NRXN1: variants seen among roughly 807,000 people sequenced by gnomAD.
NRXN1 encodes the protein neurexin-1.
NRXN1 carries 39 observed loss-of-function variants against 150.9 expected under a neutral mutation model. The ratio of observed to expected loss-of-function variants is 0.26; its 90% CI spans 0.20 to 0.34. The LOEUF (loss-of-function observed/expected upper bound fraction) is 0.34. NRXN1 is among the 10% of genes least tolerant of loss of function. NRXN1 has a pLI of 1.00. For synonymous variants in NRXN1, 924 were observed against 757.0 expected (o/e 1.22, Z -3.62); for missense variants, 1,815 against 1,949.9 (o/e 0.93, Z 1.30).
intron 2 of NRXN1, among the ~76,000 whole-genome samples, chr2:50,998,668 A>C (rs1699636172): frequency 1.3e-5 from 2 of 152,192 alleles, no homozygotes; most frequent in South Asian, 4.1e-4. Context: ...TATTAATGTT[A>C]GGATTAGAAT....
intron 17 of NRXN1, among the ~76,000 whole-genome samples, chr2:50,252,879 G>A (rs1242618104): frequency 6.6e-6 from 1 of 152,100 alleles, no homozygotes; most frequent in African/African-American, 2.4e-5. Flanking sequence ...ATTTAGGATT[G>A]TCTTAGCTAT....
chr2:50,593,174 G>A (rs1452505358), intron 8 of NRXN1, among the ~76,000 whole-genome samples: 4 of 152,148 alleles, frequency 2.6e-5, no homozygotes, highest in Admixed American at 2.6e-4. Flanking sequence ...ATAAACTTAA[G>A]CATGATTAGG....
intron 12 of NRXN1, among the ~76,000 whole-genome samples, chr2:50,512,943 T>C (rs1161070818): frequency 2.0e-5 from 3 of 152,132 alleles, no homozygotes; most frequent in African/African-American, 7.2e-5. Context: ...TTCTCATATA[T>C]TTCAGGGGAG....
At chr2:50,513,194 T>A (rs575329403) in intron 12 of NRXN1, among the ~76,000 whole-genome samples, 1 of 152,338 alleles carries the variant, frequency 6.6e-6, no homozygotes, top group African/African-American at 2.4e-5. Context: ...GTAATCTCAA[T>A]GAATATTAAT....
At chr2:50,273,212 T>C (rs142015961) in intron 17 of NRXN1, among the ~76,000 whole-genome samples, 37 of 152,250 alleles carry the variant, frequency 2.4e-4, no homozygotes, top group African/African-American at 8.2e-4. Context: ...TGGAGGAAAA[T>C]TTGGCAATCT....
At chr2:50,131,896 A>T (rs1021640728) in intron 18 of NRXN1, among the ~76,000 whole-genome samples, 1 of 106,566 alleles carries the variant, frequency 9.4e-6, no homozygotes, top group South Asian at 3.0e-4. Flanking sequence ...AAACAAGTAC[A>T]CTAGACGGTC....
chr2:50,612,786 T>C (rs1678402659), intron 8 of NRXN1, among the ~76,000 whole-genome samples: 1 of 152,216 alleles, frequency 6.6e-6, no homozygotes, highest in Non-Finnish European at 1.5e-5. Context: ...CTCACAGCCA[T>C]GTGTTCTGTT....
intron 2 of NRXN1, among the ~76,000 whole-genome samples, chr2:51,009,493 C>A (rs1346475417): frequency 6.6e-6 from 1 of 151,846 alleles, no homozygotes; most frequent in Non-Finnish European, 1.5e-5. Context: ...AATTGCTCAG[C>A]TTAGTCATCC....
chr2:50,829,485 A>T, intron 5 of NRXN1: 1 of 1,584,186 alleles, frequency 6.3e-7, no homozygotes, highest in Non-Finnish European at 8.7e-7. Flanking sequence ...GCCTATAATA[A>T]TGAGAAAGGC....
chr2:50,288,554 G>C (rs2072495887), intron 17 of NRXN1, among the ~76,000 whole-genome samples: 1 of 152,152 alleles, frequency 6.6e-6, no homozygotes, highest in Non-Finnish European at 1.5e-5. Context: ...AGGTTTAATT[G>C]AATCACAGTT....
chr2:50,644,815 T>G (rs1007963921), intron 5 of NRXN1, among the ~76,000 whole-genome samples: 20 of 148,446 alleles, frequency 1.3e-4, no homozygotes, highest in South Asian at 2.1e-4. Context: ...ATAATATATA[T>G]GAATATAAAC....
intron 21 of NRXN1, among the ~76,000 whole-genome samples, chr2:50,031,794 C>T (rs542072638): frequency 6.6e-6 from 1 of 152,134 alleles, no homozygotes; most frequent in South Asian, 2.1e-4. Context: ...GGAAGTTAAA[C>T]CCTTTTAGTA....
chr2:50,571,534 G>A (rs1670661507), intron 8 of NRXN1, among the ~76,000 whole-genome samples: 1 of 152,054 alleles, frequency 6.6e-6, no homozygotes, highest in Non-Finnish European at 1.5e-5. Context: ...ATCTATGGCT[G>A]AGCACATTTG....
chr2:50,412,421 T>A (rs1017049472), intron 17 of NRXN1, among the ~76,000 whole-genome samples: 11 of 152,058 alleles, frequency 7.2e-5, no homozygotes, highest in African/African-American at 2.7e-4. Context: ...TGTATATTTA[T>A]AAAGGGTTAT....
At chr2:49,958,165 G>C (rs1298306204) in intron 21 of NRXN1, among the ~76,000 whole-genome samples, 1 of 152,102 alleles carries the variant, frequency 6.6e-6, no homozygotes, top group African/African-American at 2.4e-5. Flanking sequence ...TGAGAACTAG[G>C]AGCTTCATTA....
chr2:50,129,695 C>A (rs1705181798), intron 18 of NRXN1, among the ~76,000 whole-genome samples: 1 of 152,084 alleles, frequency 6.6e-6, no homozygotes. Flanking sequence ...AAAAGGCAAT[C>A]TTTATAGATG....
chr2:50,231,471 C>T (rs540889863), intron 18 of NRXN1, among the ~76,000 whole-genome samples: 1 of 151,858 alleles, frequency 6.6e-6, no homozygotes, highest in South Asian at 2.1e-4. Context: ...ACACTAAAAC[C>T]AATGATCAAA....
intron 17 of NRXN1, among the ~76,000 whole-genome samples, chr2:50,311,914 G>A (rs181976993): frequency 5.1e-4 from 78 of 152,178 alleles, no homozygotes; most frequent in Admixed American, 1.2e-3. Flanking sequence ...GAGGAATAGT[G>A]TCATATTGAG....
chr2:50,689,963 T>TCTGCCTCTGGG (rs1037214665), intron 5 of NRXN1, among the ~76,000 whole-genome samples: 1 of 150,478 alleles, frequency 6.6e-6, no homozygotes, highest in African/African-American at 2.4e-5. Flanking sequence ...CTCGGCTCAC[T>TCTGCCTCTGGG]GCAACCTCTG....
Sources: allele counts gnomAD v4.1 joint callset (sites outside exome capture counted in the v4.1 genomes callset), GRCh38; gene constraint gnomAD v4.1.1; transcripts MANE v1.5; gene names NCBI Gene and HGNC (gene_info 2026-07-23, HGNC 2026-07-21).